PCDHGA3: variants seen among roughly 807,000 people sequenced by gnomAD.
The protein encoded by PCDHGA3 is protocadherin gamma subfamily A, 3.
A neutral mutation model predicts 58.5 loss-of-function variants in PCDHGA3; 40 were observed. The observed-to-expected ratio is 0.68, with a 90% CI of 0.53 to 0.89. The LOEUF is 0.89. PCDHGA3 is among the 40% of genes least tolerant of loss of function. PCDHGA3 has a pLI of 0.00. For synonymous variants in PCDHGA3, 530 were observed against 525.7 expected (o/e 1.01, Z -0.11); for missense variants, 1,223 against 1,195.9 (o/e 1.02, Z -0.33).
intron 1 of PCDHGA3, chr5:141,419,444 G>A: frequency 6.2e-7 from 1 of 1,613,088 alleles, no homozygotes; most frequent in Non-Finnish European, 8.5e-7. Context: ...GCGCACCTTC[G>A]AGCTCACGCT....
At chr5:141,389,146 C>G (rs567517174) in intron 1 of PCDHGA3, 2 of 1,613,996 alleles carry the variant, frequency 1.2e-6, no homozygotes, top group Non-Finnish European at 1.7e-6. Context: ...ATAACCGTTA[C>G]GGCAACAGAT....
intron 1 of PCDHGA3, chr5:141,478,451 G>A (rs377597887): frequency 2.5e-6 from 4 of 1,613,440 alleles, no homozygotes; most frequent in African/African-American, 2.7e-5. Context: ...ACCTGGTGCA[G>A]CCAGTCCACT....
chr5:141,386,716 C>A (rs2090679680), intron 1 of PCDHGA3, among the ~76,000 whole-genome samples: 1 of 152,024 alleles, frequency 6.6e-6, no homozygotes. Context: ...TTGCTGACAC[C>A]AACAATGTTA....
rs779183487 is a variant in PCDHGA3, at chr5:141,430,845, C to T, written c.2425-63962C>T. ...GGGACTCTGTGGGAGACCGGATGCA[C>T]CCAGATACGCTATTCAGTTCCGGAA... On this transcript the variant is annotated intron_variant, in intron 1 of 3. Coordinates refer to ENST00000253812, the MANE Select transcript of PCDHGA3 (RefSeq NM_018916.4). 27 of 1,575,514 alleles carry T rather than the reference C, an allele frequency of 1.7e-5. No individual in the cohort carries two copies. In the African/African-American group the frequency reaches 3.7e-4, roughly 21 times the overall value.
At chr5:141,371,720 C>T in intron 1 of PCDHGA3, 1 of 1,614,070 alleles carries the variant, frequency 6.2e-7, no homozygotes, top group Non-Finnish European at 8.5e-7. Context: ...CTCTGCACAT[C>T]CTTGATGTCA....
chr5:141,359,965 C>T, intron 1 of PCDHGA3: 1 of 621,570 alleles, frequency 1.6e-6, no homozygotes, highest in South Asian at 5.1e-5. Flanking sequence ...CGAAGAGAAG[C>T]GTTTGGGAGC....
chr5:141,363,958 G>C (rs1763125463), intron 1 of PCDHGA3, among the ~76,000 whole-genome samples: 1 of 152,214 alleles, frequency 6.6e-6, no homozygotes, highest in Non-Finnish European at 1.5e-5. Context: ...CTCAGGGATT[G>C]TGGAAGTCTT....
chr5:141,350,456 G>A, intron 1 of PCDHGA3: 2 of 1,613,442 alleles, frequency 1.2e-6, no homozygotes, highest in African/African-American at 1.3e-5. Flanking sequence ...AAAACTGCGG[G>A]TTAGTGCAGA....
Position 141,485,094 on chromosome 5 carries a change from C to A in PCDHGA3, c.2425-9713C>A. ...GGCGCGGGGAAAGGGAGATAGGTGT[C>A]TCCAGCTGCTGTGGCTGTTTGGGGC... On this transcript the variant is annotated intron_variant, in intron 1 of 3. Coordinates refer to ENST00000253812, the MANE Select transcript of PCDHGA3 (RefSeq NM_018916.4). The surrounding 1 kb of genome is among the most constrained non-coding windows in gnomAD (Gnocchi z 5.7). 9.1e-7 allele frequency: 1 copy of A among 1,100,766 alleles called. No individual in the cohort carries two copies. Among genetic ancestry groups the A allele is most frequent in the Non-Finnish European group, 1.4e-6 (1 of 736,922 alleles). The allele number at this position is 1,100,766 out of a possible 1,614,324, so 68.2% of individuals were successfully genotyped here. A position where few individuals can be genotyped will look rare whatever the true frequency, so the allele number is the denominator to read the frequency against.
intron 1 of PCDHGA3, chr5:141,360,159 C>A (rs1325055088): frequency 9.3e-6 from 15 of 1,604,390 alleles, no homozygotes; most frequent in East Asian, 2.2e-5. Flanking sequence ...CAGGGAGGTG[C>A]GGGCTGGTGC....
chr5:141,413,639 GT>G, intron 1 of PCDHGA3: 1 of 1,613,854 alleles, frequency 6.2e-7, no homozygotes, highest in South Asian at 1.1e-5. Context: ...GCGGGAATGC[GT>G]TTTCCTCTCC....
At chr5:141,375,450 C>T in intron 1 of PCDHGA3, 1 of 1,614,014 alleles carries the variant, frequency 6.2e-7, no homozygotes, top group Non-Finnish European at 8.5e-7. Flanking sequence ...CCCCATTCAT[C>T]CTACTCAGTC....
chr5:141,454,142 C>T (rs2098782408), intron 1 of PCDHGA3, among the ~76,000 whole-genome samples: 1 of 152,222 alleles, frequency 6.6e-6, no homozygotes, highest in Non-Finnish European at 1.5e-5. Context: ...GGAATGTTCA[C>T]ACTGCTACTT....
chr5:141,345,990 C>A lies in PCDHGA3; in HGVS notation c.1957C>A (p.Pro653Thr). 5.6e-6 allele frequency: 9 copies of A among 1,613,408 alleles called. No homozygotes were observed. Among genetic ancestry groups the A allele is most frequent in the Non-Finnish European group, 7.6e-6 (9 of 1,179,820 alleles). The part of the protein sequence containing the change: ...VVAVQDHGQP[P>T]LSATVTLTVA... ...GGCCGTCCAGGACCACGGCCAGCCCCCTCTCTCCGCCACTGTCACGCTCAC... is the reference window on the plus strand; with the variant it reads ...GGCCGTCCAGGACCACGGCCAGCCCACTCTCTCCGCCACTGTCACGCTCAC... Residue 653 changes from proline to threonine, a missense_variant, in exon 1 of 4, where the codon CCT (proline) becomes ACT (threonine). Pro to Thr is a conservative substitution (Grantham distance 38). Around this residue, in one of 3 missense-constraint regions of PCDHGA3, gnomAD observed 107 missense variants for 159.8 expected, o/e 0.67. Transcript: ENST00000253812.
intron 1 of PCDHGA3, chr5:141,399,634 A>C: frequency 6.2e-7 from 1 of 1,613,860 alleles, no homozygotes; most frequent in East Asian, 2.2e-5. Context: ...TTACGTGTCC[A>C]TGAGCGCGCA....
chr5:141,389,248 A>C, intron 1 of PCDHGA3: 1 of 1,614,036 alleles, frequency 6.2e-7, no homozygotes, highest in South Asian at 1.1e-5. Context: ...CAGTCTTCCT[A>C]TATAGTCCAC....
Position 141,486,058 on chromosome 5 carries a change from G to A in PCDHGA3, c.2425-8749G>A. On this transcript the variant is annotated intron_variant, in intron 1 of 3. Transcript: ENST00000253812. The surrounding 1 kb of genome is among the most constrained non-coding windows in gnomAD (Gnocchi z 5.0). The stretch of plus-strand genomic sequence containing the variant: ...ATCGTGTAAGAAACCTCTTTAGCCT[G>A]CACCCCACTACTGGAAAGCTTACTC... The A allele has an allele frequency of 6.2e-7, 1 of 1,614,122 alleles. No homozygotes were observed. The highest frequency in any genetic ancestry group is 8.5e-7 in the Non-Finnish European group (1 of 1,180,012).
At position 141,359,202 on chromosome 5, in the gene PCDHGA3, T is replaced by A. The variant is rs115467151; in HGVS notation, c.2424+12745T>A. Among the ~76,000 whole-genome samples the A allele has an allele frequency of 3.8e-3, 584 of 152,256 alleles. 6 individuals carry two copies. Among genetic ancestry groups the A allele is most frequent in the African/African-American group, 0.013 (556 of 41,546 alleles). ...AGAAAGCAGAAATAACAAGTGAATG[T>A]TGAGAGACAACTTACATCTGAGGAG... On this transcript the variant is annotated intron_variant, in intron 1 of 3. Transcript: ENST00000253812.
intron 1 of PCDHGA3, chr5:141,359,968 T>C (rs1761374552): frequency 1.5e-6 from 1 of 669,776 alleles, no homozygotes; most frequent in Non-Finnish European, 2.2e-6. Flanking sequence ...AGAGAAGCGT[T>C]TGGGAGCCTC....
Sources: gnomAD v4.1 joint callset for allele counts (sites outside exome capture counted in the v4.1 genomes callset) on GRCh38, gnomAD v4.1.1 for gene constraint, gnomAD v4.1.1 regional missense constraint, Gnocchi (gnomAD v3.1) non-coding constraint, MANE v1.5 for transcripts, NCBI Gene and HGNC (gene_info 2026-07-23, HGNC 2026-07-21) for gene names.